PBX3: variants seen among roughly 807,000 people sequenced by gnomAD.
PBX3 encodes the protein PBX homeobox 3, also known as pre-B-cell leukemia transcription factor 3.
In PBX3, 14 loss-of-function variants were observed where a neutral mutation model predicts 48.5. That is an observed-to-expected ratio of 0.29 (90% CI 0.19 to 0.45). PBX3 has a LOEUF of 0.45. Among genes scored for constraint, PBX3 ranks in the 20% least tolerant of loss-of-function variants. The probability of loss-of-function intolerance (pLI) is 1.00; values close to 1 mark genes in which losing one functional copy is unlikely to be tolerated. For missense variants in PBX3, 386 were observed against 546.7 expected (o/e 0.71, Z 2.93); for synonymous variants, 210 against 200.3 (o/e 1.05, Z -0.41).
chr9:125,940,151 T>A (rs982995782), intron 5 of PBX3, among the ~76,000 whole-genome samples: 2 of 151,272 alleles, frequency 1.3e-5, no homozygotes, highest in Non-Finnish European at 2.9e-5. Context: ...GCCATTGCAC[T>A]CCAGCCTGGG....
At chr9:125,891,012 C>T (rs1840629148) in intron 2 of PBX3, among the ~76,000 whole-genome samples, 1 of 152,206 alleles carries the variant, frequency 6.6e-6, no homozygotes, top group South Asian at 2.1e-4. Flanking sequence ...TAGTTGCCAA[C>T]CATGATAACA....
At chr9:125,844,863 C>T (rs1051279390) in intron 2 of PBX3, 3 of 152,122 alleles carry the variant, frequency 2.0e-5, no homozygotes, top group African/African-American at 7.2e-5. Flanking sequence ...TGAACATCCC[C>T]TGGAGCTGTA....
chr9:125,936,097 T>C (rs1363527354), intron 5 of PBX3, among the ~76,000 whole-genome samples: 2 of 152,250 alleles, frequency 1.3e-5, no homozygotes, highest in Non-Finnish European at 2.9e-5. Context: ...TGCTTCCTTA[T>C]TATCCATTAA....
intron 4 of PBX3, among the ~76,000 whole-genome samples, chr9:125,930,492 A>G (rs1841689426): frequency 6.6e-6 from 1 of 152,234 alleles, no homozygotes; most frequent in East Asian, 1.9e-4. Context: ...CTGCCCCTGT[A>G]GGGATGCCTC....
At chr9:125,919,341 T>C (rs10819085) in intron 3 of PBX3, among the ~76,000 whole-genome samples, 9,076 of 150,452 alleles carry the variant, frequency 0.06, 653 homozygotes, top group East Asian at 0.17. Flanking sequence ...TACAGGCGTC[T>C]GCCATCATGC....
chr9:125,840,732 G>A lies in PBX3; in HGVS notation c.275-74954G>A, dbSNP rs191138299. 2.8e-3 allele frequency among the ~76,000 whole-genome samples: 426 copies of A among 152,048 alleles called. 1 individual carries two copies. The highest frequency in any genetic ancestry group is 4.5e-3 in the Non-Finnish European group (308 of 67,916). On this transcript the variant is annotated intron_variant, in intron 2 of 8. Transcript: ENST00000373489. ...TTTTGGGAAGTCATATATATGAGTAGGGTGAAGGGCAAAGACTGGAAATGT... is the reference window on the plus strand; with the variant it reads ...TTTTGGGAAGTCATATATATGAGTAAGGTGAAGGGCAAAGACTGGAAATGT...
intron 2 of PBX3, among the ~76,000 whole-genome samples, chr9:125,868,888 C>CTA (rs1298418244): frequency 6.6e-6 from 1 of 152,054 alleles, no homozygotes; most frequent in African/African-American, 2.4e-5. Context: ...ACACAGGTGT[C>CTA]TAAAAATTCA....
At chr9:125,822,364 G>C (rs982457162) in intron 2 of PBX3, among the ~76,000 whole-genome samples, 1 of 152,082 alleles carries the variant, frequency 6.6e-6, no homozygotes, top group Non-Finnish European at 1.5e-5. Context: ...GCTCTTACAC[G>C]TAGCCATGGC....
intron 2 of PBX3, among the ~76,000 whole-genome samples, chr9:125,881,097 A>G (rs1207281086): frequency 6.6e-6 from 1 of 152,232 alleles, no homozygotes; most frequent in African/African-American, 2.4e-5. Flanking sequence ...TAAACTTGAC[A>G]CTTGTTCCAT....
chr9:125,762,755 A>G (rs2050764), intron 2 of PBX3, among the ~76,000 whole-genome samples: 77,820 of 152,102 alleles, frequency 0.51, 21,650 homozygotes, highest in South Asian at 0.63. Flanking sequence ...CCAACAGGCA[A>G]CCATAAAAAC....
At chr9:125,944,635 G>A (rs1310264540) in intron 5 of PBX3, among the ~76,000 whole-genome samples, 1 of 152,194 alleles carries the variant, frequency 6.6e-6, no homozygotes, top group Non-Finnish European at 1.5e-5. Context: ...AGAAGATGAT[G>A]TGTAGAACCT....
intron 2 of PBX3, among the ~76,000 whole-genome samples, chr9:125,816,807 C>T (rs138290349): frequency 1.7e-4 from 26 of 152,286 alleles, no homozygotes; most frequent in Non-Finnish European, 2.8e-4. Context: ...TTGGCAGTTT[C>T]ATGGTCTTTG....
At chr9:125,857,646 T>C (rs1233426407) in intron 2 of PBX3, among the ~76,000 whole-genome samples, 1 of 152,208 alleles carries the variant, frequency 6.6e-6, no homozygotes, top group Non-Finnish European at 1.5e-5. Flanking sequence ...CACTCCTATT[T>C]ACAGTATTTT....
At chr9:125,860,728 T>G (rs1435713708) in intron 2 of PBX3, among the ~76,000 whole-genome samples, 1 of 151,560 alleles carries the variant, frequency 6.6e-6, no homozygotes, top group Non-Finnish European at 1.5e-5. Flanking sequence ...CTGTCTCTAC[T>G]AAAAATGCAA....
chr9:125,868,991 T>C (rs1239195889), intron 2 of PBX3, among the ~76,000 whole-genome samples: 1 of 152,088 alleles, frequency 6.6e-6, no homozygotes, highest in Non-Finnish European at 1.5e-5. Flanking sequence ...CCACCATGAC[T>C]ATGAGATAGC....
At chr9:125,889,932 T>TC (rs1840600017) in intron 2 of PBX3, among the ~76,000 whole-genome samples, 1 of 150,460 alleles carries the variant, frequency 6.6e-6, no homozygotes, top group South Asian at 2.1e-4. Context: ...CCCTGAGCGG[T>TC]CCCCCGCGCC....
chr9:125,953,185 A>AAT (rs1446448586), intron 5 of PBX3, among the ~76,000 whole-genome samples: 1 of 152,102 alleles, frequency 6.6e-6, no homozygotes, highest in Non-Finnish European at 1.5e-5. Context: ...TCTATTAATA[A>AAT]GTAGGACTAA....
intron 5 of PBX3, among the ~76,000 whole-genome samples, chr9:125,944,095 G>A (rs1286356025): frequency 6.6e-6 from 1 of 152,170 alleles, no homozygotes; most frequent in Admixed American, 6.5e-5. Context: ...TAGTCCAAAG[G>A]GTGAAGATAC....
chr9:125,781,091 A>C (rs1341545410), intron 2 of PBX3, among the ~76,000 whole-genome samples: 1 of 149,984 alleles, frequency 6.7e-6, no homozygotes, highest in Non-Finnish European at 1.5e-5. Context: ...AGCCAGGCAG[A>C]GACGCTCCTC....
Sources: allele counts gnomAD v4.1 joint callset (sites outside exome capture counted in the v4.1 genomes callset), GRCh38; gene constraint gnomAD v4.1.1; transcripts MANE v1.5; gene names NCBI Gene and HGNC (gene_info 2026-07-23, HGNC 2026-07-21).